Variants in PDE6C observed in about 807,000 individuals in gnomAD.
The protein encoded by PDE6C is cone cGMP-specific 3',5'-cyclic phosphodiesterase subunit alpha'.
In PDE6C, 75 loss-of-function variants were observed where a neutral mutation model predicts 113.1. The ratio of observed to expected loss-of-function variants is 0.66; its 90% CI spans 0.55 to 0.80. PDE6C has a LOEUF of 0.80. Among genes scored for constraint, PDE6C ranks in the 30% least tolerant of loss-of-function variants. PDE6C has a pLI of 0.00. For synonymous variants in PDE6C, 375 were observed against 363.7 expected, an observed-to-expected ratio of 1.03 and a Z score of -0.35; for missense variants, 912 against 1,038.6, an observed-to-expected ratio of 0.88 and a Z score of 1.67.
intron 10 of PDE6C, 40 bp downstream of exon 10, chr10:93,635,680 C>G (rs2058525573): frequency 1.3e-6 from 2 of 1,599,316 alleles, no homozygotes; most frequent in Middle Eastern, 1.7e-4. Flanking sequence ...AAGATGTTAC[C>G]TAACCACATA....
At chr10:93,664,245 T>C (rs555914520) in intron 21 of PDE6C, among the ~76,000 whole-genome samples, 32 of 152,322 alleles carry the variant, frequency 2.1e-4, no homozygotes, top group African/African-American at 7.5e-4. Context: ...AAGGCACTAG[T>C]GTGCACATGG....
At position 93,624,763 on chromosome 10, in the gene PDE6C, A is replaced by G. The variant is rs112624792; in HGVS notation, c.865-812A>G. Among the ~76,000 whole-genome samples the G allele has an allele frequency of 9.2e-3, 1,404 of 152,286 alleles. 29 individuals are homozygous for G. Among genetic ancestry groups the G allele is most frequent in the African/African-American group, 0.032 (1,330 of 41,546 alleles). On this transcript the variant is annotated intron_variant, in intron 4 of 21. Coordinates refer to ENST00000371447, the MANE Select transcript of PDE6C (RefSeq NM_006204.4). ...TATTTATTCTCCTACTTAACAAGGTAGGGCAGCGCTAGTACTGGTTGATTC... is the reference window on the plus strand; with the variant it reads ...TATTTATTCTCCTACTTAACAAGGTGGGGCAGCGCTAGTACTGGTTGATTC...
At chr10:93,665,199 G>C (rs2058684704) in intron 21 of PDE6C, among the ~76,000 whole-genome samples, 161 bp from the exon 22 acceptor site, 1 of 152,068 alleles carries the variant, frequency 6.6e-6, no homozygotes, top group Non-Finnish European at 1.5e-5. Context: ...GACCAACTCT[G>C]AATATTAATT....
intron 1 of PDE6C, among the ~76,000 whole-genome samples, chr10:93,617,600 C>G (rs2058425979): frequency 6.6e-6 from 1 of 152,086 alleles, no homozygotes; most frequent in Admixed American, 6.6e-5. Context: ...ACAGTGAAAA[C>G]CTGTCCCTAC....
At chr10:93,626,044 C>A (rs974876210) in intron 5 of PDE6C, among the ~76,000 whole-genome samples, 48 of 152,118 alleles carry the variant, frequency 3.2e-4, no homozygotes, top group Non-Finnish European at 2.9e-4. Context: ...AAGGCAGAAA[C>A]CCCTGTGTCC....
At chr10:93,656,347 T>A (rs990401503) in intron 16 of PDE6C, among the ~76,000 whole-genome samples, 3 of 152,094 alleles carry the variant, frequency 2.0e-5, no homozygotes, top group African/African-American at 7.2e-5. Context: ...CAAAACTGAG[T>A]CATACGTAAC....
chr10:93,619,437 T>G (rs150108670), intron 1 of PDE6C, among the ~76,000 whole-genome samples: 2 of 152,260 alleles, frequency 1.3e-5, no homozygotes, highest in East Asian at 1.9e-4. Context: ...TTCTTTTTCT[T>G]TTTTTTGAGA....
rs1329506889 is a variant in PDE6C, at chr10:93,634,905, G to A, written c.1267G>A (p.Glu423Lys). The A allele has an allele frequency of 1.9e-6, 3 of 1,613,786 alleles. No individual in the cohort carries two copies. Among genetic ancestry groups the A allele is most frequent in the Non-Finnish European group, 1.7e-6 (2 of 1,179,926 alleles). Residue 423 changes from glutamate (E) to lysine (K), a missense_variant and splice_region_variant, in exon 9 of 22, where the codon GAG becomes AAG. Glu to Lys is a moderately conservative substitution (Grantham distance 56). Transcript: ENST00000371447. ...CGATGAGCATGATGAATACATTACCGAGGCAAGTGCAATAATAAGATAATG... is the reference window on the plus strand; with the variant it reads ...CGATGAGCATGATGAATACATTACCAAGGCAAGTGCAATAATAAGATAATG... ...PFDEHDEYITETLTQFLGWSL... is the reference protein window; with the variant it reads ...PFDEHDEYITKTLTQFLGWSL...
chr10:93,645,667 G>A (rs620890), intron 14 of PDE6C, among the ~76,000 whole-genome samples: 34,815 of 151,950 alleles, frequency 0.23, 4,105 homozygotes, highest in Admixed American at 0.28. Context: ...ATAAGTCATA[G>A]TCCACCGCCA....
Position 93,640,909 on chromosome 10 carries a change from T to C in PDE6C, c.1738-11T>C, listed in dbSNP as rs2058556394. 6 of 1,529,328 alleles carry C rather than the reference T, an allele frequency of 3.9e-6. No individual in the cohort carries two copies. Among genetic ancestry groups the C allele is most frequent in the Non-Finnish European group, 5.4e-6 (6 of 1,102,814 alleles). 94.7% of individuals were successfully genotyped at this position (1,529,328 alleles called of 1,614,324 possible). ...AAATTATAGATATGCATATATATGT[T>C]ATTTTTTTAGACAGGAAGATTAAAG... On this transcript the variant is annotated splice_polypyrimidine_tract_variant and intron_variant, in intron 13 of 21. Transcript: ENST00000371447.
intron 21 of PDE6C, 113 bp from the exon 22 acceptor site, chr10:93,665,247 G>A (rs2133881000): frequency 2.4e-6 from 2 of 848,324 alleles, no homozygotes; most frequent in East Asian, 2.5e-5. Flanking sequence ...TACTTGCTAG[G>A]TTAAAATGAC....
intron 8 of PDE6C, among the ~76,000 whole-genome samples, chr10:93,630,714 C>A (rs1032690914): frequency 6.6e-6 from 1 of 152,178 alleles, no homozygotes; most frequent in South Asian, 2.1e-4. Flanking sequence ...GAAAAGCCAG[C>A]CTTCCCCAGG....
In PDE6C at chr10:93,626,912, A is replaced by G. The variant is rs548124373; in HGVS notation, c.1071+41A>G. On this transcript the variant is annotated intron_variant, in intron 7 of 21. Coordinates refer to ENST00000371447, the MANE Select transcript of PDE6C (RefSeq NM_006204.4). Reference sequence around the variant, plus strand: ...AATTCAAATTTTAAATAATATTGCAAGAAACTCTTATTAGCTAAGAGATAG... The same window carrying G: ...AATTCAAATTTTAAATAATATTGCAGGAAACTCTTATTAGCTAAGAGATAG... The G allele has an allele frequency of 8.0e-6, 12 of 1,504,802 alleles. No homozygotes were observed. In the South Asian group the frequency reaches 1.2e-4, roughly 16 times the overall value. The allele number at this position is 1,504,802 out of a possible 1,614,324, so 93.2% of individuals were successfully genotyped here.
intron 20 of PDE6C, 34 bp from the exon 21 acceptor site, chr10:93,662,993 GA>G (rs1473494513): frequency 9.5e-6 from 15 of 1,574,174 alleles, no homozygotes; most frequent in Non-Finnish European, 1.3e-5. Flanking sequence ...TTAACTGTAT[GA>G]TTTATGTAGT....
At chr10:93,661,795 C>T (rs372538991) in intron 18 of PDE6C, among the ~76,000 whole-genome samples, 25 of 152,238 alleles carry the variant, frequency 1.6e-4, no homozygotes, top group African/African-American at 5.8e-4. Context: ...TTCTCCTTTT[C>T]GTTGGTGAGA....
intron 9 of PDE6C, among the ~76,000 whole-genome samples, 196 bp from the exon 10 acceptor site, chr10:93,635,301 G>GA (rs1393064817): frequency 6.6e-6 from 1 of 151,964 alleles, no homozygotes; most frequent in Non-Finnish European, 1.5e-5. Flanking sequence ...CATGGTGCAT[G>GA]GTACACTTTA....
intron 14 of PDE6C, among the ~76,000 whole-genome samples, chr10:93,641,981 G>T (rs1215941452): frequency 2.0e-5 from 3 of 152,152 alleles, no homozygotes; most frequent in Non-Finnish European, 2.9e-5. Flanking sequence ...TTATAGTAAT[G>T]GTACCCAGCA....
chr10:93,665,026 ACT>A (rs887561696), intron 21 of PDE6C, among the ~76,000 whole-genome samples: 25 of 152,016 alleles, frequency 1.6e-4, no homozygotes, highest in African/African-American at 5.8e-4. Context: ...ATGCCACCAC[ACT>A]CAGCTAATTT....
Position 93,612,851 on chromosome 10 carries a change from G to T in PDE6C, c.126G>T (p.Val42=). The part of the protein sequence containing the change: ...VLGEIFKNSQ[V]PVQSSMSFSE... Reference sequence around the variant, plus strand: ...GAGAAATCTTCAAGAACAGCCAGGTGCCAGTCCAGTCCAGCATGTCCTTCT... The same window carrying T: ...GAGAAATCTTCAAGAACAGCCAGGTTCCAGTCCAGTCCAGCATGTCCTTCT... Residue 42 remains valine (V), a synonymous_variant, in exon 1 of 22, where the codon GTG becomes GTT. Transcript: ENST00000371447. 6.2e-7 allele frequency: 1 copy of T among 1,614,172 alleles called. No individual in the cohort carries two copies. Among genetic ancestry groups the T allele is most frequent in the Non-Finnish European group, 8.5e-7 (1 of 1,180,032 alleles).
Sources: allele counts gnomAD v4.1 joint callset (sites outside exome capture counted in the v4.1 genomes callset), GRCh38; gene constraint gnomAD v4.1.1; transcripts MANE v1.5; gene names NCBI Gene and HGNC (gene_info 2026-07-23, HGNC 2026-07-21).